Variants in PTDSS2 observed in about 807,000 individuals in gnomAD.
PTDSS2 encodes the protein phosphatidylserine synthase 2, also known as PSS-2.
A neutral mutation model predicts 64.7 loss-of-function variants in PTDSS2; 41 were observed. The ratio of observed to expected loss-of-function variants is 0.63; its 90% CI spans 0.49 to 0.82. PTDSS2 has a LOEUF of 0.82. Among genes scored for constraint, PTDSS2 ranks in the 40% least tolerant of loss-of-function variants. The pLI is 0.00. For missense variants in PTDSS2, 485 were observed against 650.0 expected (o/e 0.75, Z 2.76); for synonymous variants, 297 against 277.8 (o/e 1.07, Z -0.69).
In PTDSS2 at chr11:490,027, C is replaced by A; in HGVS notation, c.1260C>A (p.Ser420=). 5 of 1,611,182 alleles carry A rather than the reference C, an allele frequency of 3.1e-6. No homozygotes were observed. The highest frequency in any genetic ancestry group is 4.2e-6 in the Non-Finnish European group (5 of 1,179,954). ...TCTCCCAGTGCTGGACCCTCGGCTC[C>A]GTCCTGGCGCTCACCTGGACCGTCT... ...FYISQCWTLG[S]VLALTWTVWR... The change falls in exon 11 of 12, where the codon TCC becomes TCA. Residue 420 remains serine, a synonymous_variant. Transcript: ENST00000308020.
At chr11:488,001 C>T (rs550989647) in intron 6 of PTDSS2, among the ~76,000 whole-genome samples, 198 bp from the exon 7 acceptor site, 22 of 147,660 alleles carry the variant, frequency 1.5e-4, no homozygotes, top group African/African-American at 5.1e-4. Context: ...TGCACGCACC[C>T]GTGGGCAGGG....
intron 2 of PTDSS2, among the ~76,000 whole-genome samples, chr11:467,514 T>C (rs1462412559): frequency 1.3e-5 from 2 of 152,158 alleles, no homozygotes; most frequent in Non-Finnish European, 2.9e-5. Flanking sequence ...TCCCAGCACT[T>C]TGGGAGGCTG....
chr11:472,383 G>T (rs777699847), intron 2 of PTDSS2, among the ~76,000 whole-genome samples: 2 of 152,216 alleles, frequency 1.3e-5, no homozygotes, highest in Non-Finnish European at 2.9e-5. Flanking sequence ...ACAGGGACGC[G>T]GGCCCCACCT....
At chr11:488,847 G>A (rs545988023) in intron 8 of PTDSS2, among the ~76,000 whole-genome samples, 200 bp downstream of exon 8, 3 of 152,324 alleles carry the variant, frequency 2.0e-5, no homozygotes, top group East Asian at 1.9e-4. Context: ...TGGCCATGGC[G>A]TCTGACCCAC....
intron 4 of PTDSS2, among the ~76,000 whole-genome samples, chr11:484,938 GGC>G (rs1848247905): frequency 7.3e-6 from 1 of 137,598 alleles, no homozygotes; most frequent in African/African-American, 2.8e-5. Context: ...AAACTGCACG[GGC>G]GCGTGTGTGC....
At chr11:483,858 A>G (rs1182610792) in intron 4 of PTDSS2, among the ~76,000 whole-genome samples, 1 of 152,164 alleles carries the variant, frequency 6.6e-6, no homozygotes, top group Non-Finnish European at 1.5e-5. Flanking sequence ...GAAGGCGCGC[A>G]CTGGCACCAT....
At chr11:453,688 C>T (rs1280544095) in intron 1 of PTDSS2, among the ~76,000 whole-genome samples, 1 of 152,260 alleles carries the variant, frequency 6.6e-6, no homozygotes, top group African/African-American at 2.4e-5. Context: ...AGGGCCAGTG[C>T]CCGGTCCAGG....
intron 1 of PTDSS2, among the ~76,000 whole-genome samples, chr11:453,630 C>T (rs1405451354): frequency 1.3e-5 from 2 of 152,174 alleles, no homozygotes; most frequent in Non-Finnish European, 2.9e-5. Context: ...ACCTGGGAGG[C>T]GCGAGTAGCC....
intron 3 of PTDSS2, among the ~76,000 whole-genome samples, chr11:477,507 C>T (rs986122126): frequency 7.9e-5 from 12 of 152,264 alleles, no homozygotes; most frequent in Admixed American, 7.8e-4. Flanking sequence ...GGGCGGCAGC[C>T]TGGTGCTGGT....
At chr11:478,451 C>CA (rs34836032) in intron 3 of PTDSS2, among the ~76,000 whole-genome samples, 4,581 of 140,628 alleles carry the variant, frequency 0.033, 75 homozygotes, top group Middle Eastern at 0.041. Flanking sequence ...GACCTTGTCT[C>CA]AAAAAAAAAA....
intron 2 of PTDSS2, among the ~76,000 whole-genome samples, chr11:471,970 TGGC>T (rs1486581192): frequency 2.2e-5 from 3 of 135,868 alleles, no homozygotes; most frequent in African/African-American, 6.3e-5. Flanking sequence ...GTGATGCAGA[TGGC>T]GGCCTGGGGT....
At chr11:450,705 CT>C (rs1483352382) in intron 1 of PTDSS2, 68 bp downstream of exon 1, 31 of 1,207,368 alleles carry the variant, frequency 2.6e-5, no homozygotes, top group Non-Finnish European at 3.2e-5. Context: ...CACCGCTGGC[CT>C]GGGGGTCCCC....
chr11:483,859 C>T (rs1402107387), intron 4 of PTDSS2, among the ~76,000 whole-genome samples: 1 of 152,226 alleles, frequency 6.6e-6, no homozygotes, highest in Non-Finnish European at 1.5e-5. Flanking sequence ...AAGGCGCGCA[C>T]TGGCACCATC....
intron 11 of PTDSS2, 113 bp from the exon 12 acceptor site, chr11:490,307 G>T (rs990724573): frequency 1.4e-6 from 2 of 1,468,718 alleles, no homozygotes; most frequent in African/African-American, 2.8e-5. Flanking sequence ...CAGGGTACCC[G>T]GCACCCACCC....
chr11:450,545 CG>C lies in PTDSS2; in HGVS notation c.93del (p.Pro32ArgfsTer35). ...GGGCCTCGCTGGAGGAGCCGCCTGA[CG>C]GGCCGTCTGCCGGCCAAGCCACCGG... Reference protein sequence around the residue: ...GRASLEEPPDGPSAGQATGPG... With the variant: ...GRASLEEPPDXPSAGQATGPG... On this transcript the variant is annotated frameshift_variant, in exon 1 of 12. Coordinates refer to ENST00000308020, the MANE Select transcript of PTDSS2 (RefSeq NM_030783.3). LOFTEE classifies it high-confidence loss of function. 8.0e-7 allele frequency: 1 copy of C among 1,242,242 alleles called. No individual in the cohort carries two copies. Among genetic ancestry groups the C allele is most frequent in the Non-Finnish European group, 1.0e-6 (1 of 985,844 alleles). The allele number at this position is 1,242,242 out of a possible 1,614,324, so 77.0% of individuals were successfully genotyped here. A position where few individuals can be genotyped will look rare whatever the true frequency, so the allele number is the denominator to read the frequency against.
rs1848578157 is a variant in PTDSS2 at position 489,739 on chromosome 11, G to A, written c.1115+6G>A. ...TACGACTTCATGGATGACCCGTGAG[G>A]GCTGCGGCAGTCCGGGTGGAGACAC... On this transcript the variant is annotated splice_donor_region_variant and intron_variant, in intron 10 of 11. Transcript: ENST00000308020. 1 of 1,607,424 alleles carries A rather than the reference G, an allele frequency of 6.2e-7. No individual in the cohort carries two copies. The highest frequency in any genetic ancestry group is 1.3e-5 in the African/African-American group (1 of 74,856).
chr11:460,351 C>G lies in PTDSS2; in HGVS notation c.284+63C>G. On this transcript the variant is annotated intron_variant, in intron 2 of 11. Coordinates refer to ENST00000308020, the MANE Select transcript of PTDSS2 (RefSeq NM_030783.3). This position sits in a 1 kb window ranked among gnomAD's most constrained non-coding sequence, Gnocchi z 5.8. The stretch of plus-strand genomic sequence containing the variant: ...TGTGCCCCGTGTGGTGGGTGTGGCA[C>G]CCTTACTGCTCGGGCTGCCGGGGGC... The G allele has an allele frequency of 2.9e-6, 4 of 1,399,146 alleles. No individual in the cohort carries two copies. In the South Asian group the frequency reaches 4.7e-5, roughly 16 times the overall value. The allele number at this position is 1,399,146 out of a possible 1,614,324, so 86.7% of individuals were successfully genotyped here.
At chr11:482,575 A>T (rs940105369) in intron 4 of PTDSS2, among the ~76,000 whole-genome samples, 1 of 152,180 alleles carries the variant, frequency 6.6e-6, no homozygotes, top group African/African-American at 2.4e-5. Context: ...TGGCCTCCCA[A>T]AGTGCTGGGA....
At position 452,310 on chromosome 11, in the gene PTDSS2, G is replaced by A. The variant is rs111675010; in HGVS notation, c.182+1673G>A. Among the ~76,000 whole-genome samples the A allele has an allele frequency of 4.9e-3, 746 of 152,382 alleles. 8 individuals carry two copies. The highest frequency in any genetic ancestry group is 0.017 in the African/African-American group (711 of 41,596). On this transcript the variant is annotated intron_variant, in intron 1 of 11. Coordinates refer to ENST00000308020, the MANE Select transcript of PTDSS2 (RefSeq NM_030783.3). ...CTAAACAAGAAGCTTAGATTCTGGTGCAGGCATGGAACTTCAGAAGGCTCA... is the reference window on the plus strand; with the variant it reads ...CTAAACAAGAAGCTTAGATTCTGGTACAGGCATGGAACTTCAGAAGGCTCA...
Sources: gnomAD v4.1 joint callset for allele counts (sites outside exome capture counted in the v4.1 genomes callset) on GRCh38, gnomAD v4.1.1 for gene constraint, Gnocchi (gnomAD v3.1) non-coding constraint, MANE v1.5 for transcripts, NCBI Gene and HGNC (gene_info 2026-07-23, HGNC 2026-07-21) for gene names.